ZNF438: variants seen among roughly 807,000 people sequenced by gnomAD.
The protein encoded by ZNF438 is zinc finger protein 438.
ZNF438 carries 25 observed loss-of-function variants against 38.0 expected under a neutral mutation model. The observed-to-expected ratio is 0.66, with a 90% confidence interval of 0.48 to 0.92. The LOEUF is 0.92. Among genes scored for constraint, ZNF438 ranks in the 40% least tolerant of loss-of-function variants. The pLI is 0.00. For synonymous variants in ZNF438, 372 were observed against 364.1 expected, an observed-to-expected ratio of 1.02 and a Z score of -0.25; for missense variants, 1,007 against 999.6, an observed-to-expected ratio of 1.01 and a Z score of -0.10.
chr10:30,916,193 T>C (rs993730475), intron 2 of ZNF438, among the ~76,000 whole-genome samples: 1 of 152,064 alleles, frequency 6.6e-6, no homozygotes, highest in Non-Finnish European at 1.5e-5. Context: ...GTCACATCCA[T>C]ATCAAGCTGT....
intron 1 of ZNF438, among the ~76,000 whole-genome samples, chr10:31,009,235 A>G (rs1486370389): frequency 6.6e-6 from 1 of 152,216 alleles, no homozygotes; most frequent in Non-Finnish European, 1.5e-5. Context: ...AGCTACTTGC[A>G]CTAGATAGAT....
At chr10:30,864,177 T>C (rs2036047053) in intron 4 of ZNF438, among the ~76,000 whole-genome samples, 1 of 152,174 alleles carries the variant, frequency 6.6e-6, no homozygotes, top group Admixed American at 6.5e-5. Context: ...GCCACACAAA[T>C]AAATTTATAA....
chr10:30,888,362 A>ACACACACACACACAC lies in ZNF438; in HGVS notation c.-31-11298_-31-11297insGTGTGTGTGTGTGTG, dbSNP rs1564574714. Among the ~76,000 whole-genome samples the ACACACACACACACAC allele has an allele frequency of 5.1e-3, 186 of 36,538 alleles. 1 individual carries two copies. The highest frequency in any genetic ancestry group is 0.044 in the Middle Eastern group (3 of 68). 24.0% of individuals were successfully genotyped at this position (36,538 alleles called of 152,430 possible). A position where few individuals can be genotyped will look rare whatever the true frequency, so the allele number is the denominator to read the frequency against. ...TATTATAAACACACACACACACACA[A>ACACACACACACACAC]ACACACACATTTAGCTTTTATTTTA... On this transcript the variant is annotated intron_variant, in intron 3 of 5. Coordinates refer to ENST00000413025, the Ensembl canonical transcript of ZNF438.
At chr10:30,930,575 G>T (rs567866458) in intron 2 of ZNF438, among the ~76,000 whole-genome samples, 1 of 151,852 alleles carries the variant, frequency 6.6e-6, no homozygotes, top group African/African-American at 2.4e-5. Context: ...AGCGAGGGCT[G>T]CTGGCATGTT....
At chr10:30,971,135 T>C (rs1275769968) in intron 1 of ZNF438, among the ~76,000 whole-genome samples, 1 of 152,200 alleles carries the variant, frequency 6.6e-6, no homozygotes, top group African/African-American at 2.4e-5. Context: ...TAATTTACTG[T>C]AAATGAAAGG....
intron 4 of ZNF438, among the ~76,000 whole-genome samples, chr10:30,867,994 C>T (rs1354546076): frequency 6.6e-6 from 1 of 151,950 alleles, no homozygotes; most frequent in East Asian, 1.9e-4. Flanking sequence ...TATTTTTCCC[C>T]CAATTTTAAG....
At chr10:30,904,289 C>CA (rs1370517620) in intron 3 of ZNF438, among the ~76,000 whole-genome samples, 1 of 152,202 alleles carries the variant, frequency 6.6e-6, no homozygotes, top group Non-Finnish European at 1.5e-5. Context: ...AACAGCCCTC[C>CA]AACTCATTCA....
chr10:30,845,207 C>T (rs2031630221), exon 6 of ZNF438: 7 of 1,614,190 alleles, frequency 4.3e-6, no homozygotes, highest in Non-Finnish European at 5.9e-6. Flanking sequence ...TGGTTCCTGA[C>T]TGGGGTCCTT....
rs113219464 is a variant in ZNF438, at chr10:30,901,439, C to T, written c.-32+7494G>A. Among the ~76,000 whole-genome samples, 10 of 149,208 alleles carry T rather than the reference C, an allele frequency of 6.7e-5. 1 individual carries two copies. The highest frequency in any genetic ancestry group is 1.7e-4 in the African/African-American group (7 of 40,482). On this transcript the variant is annotated intron_variant, in intron 3 of 5. Transcript: ENST00000413025. Reference sequence around the variant, plus strand: ...CCGGAGTTTGTTCCTTCTGATGTTCCGCTGAGTCGGGGGTTGTTAGCTAGC... The same window carrying T: ...CCGGAGTTTGTTCCTTCTGATGTTCTGCTGAGTCGGGGGTTGTTAGCTAGC...
intron 4 of ZNF438, among the ~76,000 whole-genome samples, chr10:30,869,429 T>C (rs1383289885): frequency 6.6e-6 from 1 of 152,036 alleles, no homozygotes. Flanking sequence ...AATACAGCTA[T>C]TTTAAACAAC....
chr10:30,915,356 GATAA>G (rs2043501589), intron 2 of ZNF438, among the ~76,000 whole-genome samples: 1 of 152,016 alleles, frequency 6.6e-6, no homozygotes, highest in Admixed American at 6.6e-5. Context: ...CACTTCCTGT[GATAA>G]ATGAAGCAAT....
intron 2 of ZNF438, among the ~76,000 whole-genome samples, chr10:30,940,893 T>C (rs2046749547): frequency 6.6e-6 from 1 of 151,958 alleles, no homozygotes; most frequent in Non-Finnish European, 1.5e-5. Flanking sequence ...ATAAATAACT[T>C]AGAAAAGTTG....
At chr10:30,936,682 T>C (rs1434482139) in intron 2 of ZNF438, among the ~76,000 whole-genome samples, 1 of 151,200 alleles carries the variant, frequency 6.6e-6, no homozygotes, top group Non-Finnish European at 1.5e-5. Flanking sequence ...CAAAAAAAAA[T>C]GTAATTCATA....
intron 1 of ZNF438, among the ~76,000 whole-genome samples, chr10:31,011,422 A>C (rs1759317231): frequency 6.6e-6 from 1 of 152,218 alleles, no homozygotes; most frequent in Non-Finnish European, 1.5e-5. Context: ...AGACTGAATA[A>C]AAGGTCTGAA....
Position 30,960,419 on chromosome 10 carries a change from C to A in ZNF438, c.-191-18768G>T, listed in dbSNP as rs141441048. Among the ~76,000 whole-genome samples, 712 of 146,472 alleles carry A rather than the reference C, an allele frequency of 4.9e-3. 75 individuals are homozygous for A. Among genetic ancestry groups the A allele is most frequent in the Admixed American group, 0.026 (372 of 14,524 alleles). On this transcript the variant is annotated intron_variant, in intron 1 of 5. Transcript: ENST00000413025. ...ATAATTTTAGCTCTTACATTTAGGC[C>A]CCTAATTCATTGTCAGCTAATTTTT...
intron 2 of ZNF438, among the ~76,000 whole-genome samples, chr10:30,912,855 G>T (rs2043219550): frequency 6.6e-6 from 1 of 152,050 alleles, no homozygotes. Flanking sequence ...CCTTTGAAAT[G>T]CATGATGTTC....
chr10:30,912,245 C>T (rs1211608429), intron 2 of ZNF438, among the ~76,000 whole-genome samples: 2 of 152,160 alleles, frequency 1.3e-5, no homozygotes, highest in African/African-American at 4.8e-5. Context: ...CACTACACCA[C>T]TCCTCCAAGA....
intron 1 of ZNF438, among the ~76,000 whole-genome samples, chr10:30,997,773 A>C (rs1310638601): frequency 6.6e-6 from 1 of 152,074 alleles, no homozygotes; most frequent in East Asian, 1.9e-4. Context: ...CATAAGAGAG[A>C]CACCTTCTTT....
In ZNF438 at chr10:30,960,564, A is replaced by G. The variant is rs143871127; in HGVS notation, c.-191-18913T>C. Among the ~76,000 whole-genome samples the G allele has an allele frequency of 6.9e-4, 102 of 147,134 alleles. 17 individuals carry two copies. The highest frequency in any genetic ancestry group is 1.1e-3 in the Non-Finnish European group (72 of 64,870). ...TAGCAGCTCTTCCAAAAATCAATGGACCAAAAATGTAAATGTTTATTTCTG... is the reference window on the plus strand; with the variant it reads ...TAGCAGCTCTTCCAAAAATCAATGGGCCAAAAATGTAAATGTTTATTTCTG... On this transcript the variant is annotated intron_variant, in intron 1 of 5. Coordinates refer to ENST00000413025, the Ensembl canonical transcript of ZNF438.
Sources: allele counts gnomAD v4.1 joint callset (sites outside exome capture counted in the v4.1 genomes callset), GRCh38; gene constraint gnomAD v4.1.1; transcripts MANE v1.5; gene names NCBI Gene and HGNC (gene_info 2026-07-23, HGNC 2026-07-21).